Variants in ADK observed in about 807,000 individuals in gnomAD.
ADK encodes N6,N6-dimethyladenosine kinase.
A neutral mutation model predicts 44.7 loss-of-function variants in ADK; 24 were observed. That is an observed-to-expected ratio of 0.54 (90% confidence interval 0.39 to 0.76). ADK has a LOEUF of 0.76. ADK is among the 30% of genes least tolerant of loss of function. The pLI is 0.00. For missense variants in ADK, 321 were observed against 425.1 expected, an observed-to-expected ratio of 0.76 and a Z score of 2.15; for synonymous variants, 128 against 142.6, an observed-to-expected ratio of 0.90 and a Z score of 0.73.
intron 2 of ADK, among the ~76,000 whole-genome samples, chr10:74,201,650 ATG>A (rs765751905): frequency 0.051 from 6,460 of 127,866 alleles, 219 homozygotes; most frequent in Non-Finnish European, 0.065. Flanking sequence ...GTGTATATGT[ATG>A]TATGTATGTA....
intron 9 of ADK, among the ~76,000 whole-genome samples, chr10:74,639,048 A>T (rs1853730461): frequency 6.6e-6 from 1 of 152,172 alleles, no homozygotes; most frequent in Non-Finnish European, 1.5e-5. Context: ...GACTCAGGTG[A>T]TCCACCCACC....
intron 4 of ADK, chr10:74,371,903 G>A: frequency 6.8e-7 from 1 of 1,470,370 alleles, no homozygotes; most frequent in Non-Finnish European, 9.4e-7. Flanking sequence ...GGCTTCTTGT[G>A]GTTACTGACC....
chr10:74,429,424 T>C (rs1844904462), intron 6 of ADK, among the ~76,000 whole-genome samples: 1 of 152,222 alleles, frequency 6.6e-6, no homozygotes, highest in Non-Finnish European at 1.5e-5. Flanking sequence ...GAATTAATTC[T>C]GAGCAATTTT....
chr10:74,643,419 T>C (rs952492263), intron 9 of ADK, among the ~76,000 whole-genome samples: 7 of 152,358 alleles, frequency 4.6e-5, no homozygotes, highest in African/African-American at 1.7e-4. Context: ...TCTTCTGTTC[T>C]ATCTTCCAGT....
chr10:74,315,230 G>A (rs571688036), intron 4 of ADK, among the ~76,000 whole-genome samples: 2 of 152,140 alleles, frequency 1.3e-5, no homozygotes, highest in Middle Eastern at 3.4e-3. Context: ...TCTGCCACAA[G>A]ATAGTAGAAA....
chr10:74,469,594 C>A (rs1336719042), intron 6 of ADK, among the ~76,000 whole-genome samples: 1 of 152,028 alleles, frequency 6.6e-6, no homozygotes, highest in Admixed American at 6.6e-5. Flanking sequence ...AAACTCCTGG[C>A]CTCAAGTGAT....
At chr10:74,213,181 G>T (rs903473763) in intron 2 of ADK, among the ~76,000 whole-genome samples, 1 of 152,094 alleles carries the variant, frequency 6.6e-6, no homozygotes, top group Non-Finnish European at 1.5e-5. Context: ...GTGCTGTCAT[G>T]CCTCCCTGTA....
chr10:74,268,225 A>G (rs1846290163), intron 3 of ADK, among the ~76,000 whole-genome samples: 1 of 152,100 alleles, frequency 6.6e-6, no homozygotes. Flanking sequence ...CAGGAGACTG[A>G]GGCAGGAGGA....
rs1207651223 is a variant in ADK, at chr10:74,525,982, C to T, written c.726+556C>T. On this transcript the variant is annotated intron_variant, in intron 7 of 10. Coordinates refer to ENST00000539909, the MANE Select transcript of ADK (RefSeq NM_006721.4). ...ACATTTATTTTTTTAAGGTGTTTGACGTTTGATTTACTTATAGTAAGAGTC... is the reference window on the plus strand; with the variant it reads ...ACATTTATTTTTTTAAGGTGTTTGATGTTTGATTTACTTATAGTAAGAGTC... 4.6e-5 allele frequency among the ~76,000 whole-genome samples: 7 copies of T among 151,958 alleles called. No homozygotes were observed. In the East Asian group the frequency reaches 9.7e-4, roughly 21 times the overall value.
chr10:74,680,086 G>A (rs919891995), intron 10 of ADK, among the ~76,000 whole-genome samples: 1 of 152,066 alleles, frequency 6.6e-6, no homozygotes, highest in African/African-American at 2.4e-5. Context: ...AGGCCAAGAC[G>A]GGCAGATCAC....
At chr10:74,444,030 A>G (rs980574994) in intron 6 of ADK, among the ~76,000 whole-genome samples, 3 of 152,112 alleles carry the variant, frequency 2.0e-5, no homozygotes, top group Non-Finnish European at 2.9e-5. Flanking sequence ...ATCATACCAG[A>G]GCTTTATAGA....
chr10:74,632,689 ATC>A (rs1157342917), intron 9 of ADK, among the ~76,000 whole-genome samples: 2 of 152,162 alleles, frequency 1.3e-5, no homozygotes, highest in Non-Finnish European at 2.9e-5. Context: ...TAACTAATTA[ATC>A]TGCAAAGACT....
chr10:74,155,234 G>A (rs1000177346), intron 1 of ADK, among the ~76,000 whole-genome samples: 2 of 152,008 alleles, frequency 1.3e-5, no homozygotes, highest in East Asian at 3.9e-4. Context: ...CTACATTCCA[G>A]CACTTTGGGA....
At chr10:74,160,773 GTTC>G (rs1335023220) in intron 1 of ADK, among the ~76,000 whole-genome samples, 1 of 90,284 alleles carries the variant, frequency 1.1e-5, no homozygotes, top group Admixed American at 1.2e-4. Flanking sequence ...TGTAGGCATT[GTTC>G]GTATATGGGG....
At chr10:74,605,371 G>T (rs1852282490) in intron 9 of ADK, among the ~76,000 whole-genome samples, 2 of 152,130 alleles carry the variant, frequency 1.3e-5, no homozygotes, top group South Asian at 4.2e-4. Flanking sequence ...CGTGATATTG[G>T]CTGTGGGTTT....
intron 3 of ADK, among the ~76,000 whole-genome samples, chr10:74,240,801 T>A (rs991996874): frequency 6.6e-6 from 1 of 152,216 alleles, no homozygotes; most frequent in Non-Finnish European, 1.5e-5. Context: ...TTTTCATGTT[T>A]TGTCTGGGCC....
At chr10:74,413,564 G>C (rs1051262995) in intron 6 of ADK, among the ~76,000 whole-genome samples, 1 of 152,214 alleles carries the variant, frequency 6.6e-6, no homozygotes, top group Admixed American at 6.5e-5. Context: ...TTAAGGTTGT[G>C]CTCGGGATTA....
rs760455986 is a variant in ADK, at chr10:74,702,570, T to TCCTTCCTC, written c.965-5748_965-5747insTCCTCCCT. 3.1e-4 allele frequency among the ~76,000 whole-genome samples: 45 copies of TCCTTCCTC among 146,360 alleles called. 1 individual carries two copies. Among genetic ancestry groups the TCCTTCCTC allele is most frequent in the Admixed American group, 5.5e-4 (8 of 14,638 alleles). On this transcript the variant is annotated intron_variant, in intron 10 of 10. Transcript: ENST00000539909. Reference sequence around the variant, plus strand: ...TTCCTTCCTTCCTTCCTTCCTTCCTTCCTCTCTCTCTCTCTGGTCTCTTTC... The same window carrying TCCTTCCTC: ...TTCCTTCCTTCCTTCCTTCCTTCCTTCCTTCCTCCCTCTCTCTCTCTCTGGTCTCTTTC...
chr10:74,566,864 A>G (rs892804701), intron 7 of ADK, among the ~76,000 whole-genome samples: 10 of 152,232 alleles, frequency 6.6e-5, no homozygotes, highest in African/African-American at 2.4e-4. Context: ...AGCAGTAGAA[A>G]AGAACAGGTA....
Sources: gnomAD v4.1 joint callset for allele counts (sites outside exome capture counted in the v4.1 genomes callset) on GRCh38, gnomAD v4.1.1 for gene constraint, MANE v1.5 for transcripts, NCBI Gene and HGNC (gene_info 2026-07-23, HGNC 2026-07-21) for gene names.